The following CTNNA2 variants were observed in gnomAD, a reference collection of about 807,000 sequenced individuals.
The protein encoded by CTNNA2 is catenin alpha-2.
A neutral mutation model predicts 101.0 loss-of-function variants in CTNNA2; 42 were observed. The ratio of observed to expected loss-of-function variants is 0.42; its 90% confidence interval spans 0.32 to 0.54. The LOEUF is 0.54. CTNNA2 is among the 20% of genes least tolerant of loss of function. CTNNA2 has a pLI of 0.14. For missense variants in CTNNA2, 871 were observed against 1,223.1 expected (o/e 0.71, Z 4.29); for synonymous variants, 450 against 456.4 (o/e 0.99, Z 0.18).
chr2:79,340,353 A>G (rs1017939255), intron 3 of CTNNA2, among the ~76,000 whole-genome samples: 8 of 152,242 alleles, frequency 5.3e-5, no homozygotes, highest in Admixed American at 2.0e-4. Flanking sequence ...TTAAACGCAC[A>G]TATGTATCAC....
intron 7 of CTNNA2, among the ~76,000 whole-genome samples, chr2:80,021,709 C>G (rs915975304): frequency 6.7e-6 from 1 of 149,162 alleles, no homozygotes; most frequent in Admixed American, 6.6e-5. Flanking sequence ...GCCTCACACA[C>G]TTATCATTTT....
chr2:80,274,907 C>T (rs549038273), intron 7 of CTNNA2, among the ~76,000 whole-genome samples: 2 of 152,238 alleles, frequency 1.3e-5, no homozygotes, highest in Middle Eastern at 3.4e-3. Flanking sequence ...TGCGACTGAC[C>T]TTATCATACC....
intron 18 of CTNNA2, among the ~76,000 whole-genome samples, chr2:80,629,490 T>G (rs1260339323): frequency 6.6e-6 from 1 of 152,120 alleles, no homozygotes; most frequent in African/African-American, 2.4e-5. Flanking sequence ...ATTTTATTCC[T>G]AAATCTTTCG....
chr2:79,829,732 A>T (rs958412743), intron 3 of CTNNA2, among the ~76,000 whole-genome samples: 4 of 101,254 alleles, frequency 4.0e-5, no homozygotes, highest in African/African-American at 1.4e-4. Flanking sequence ...TTATTTATTT[A>T]TTTTTGAGAC....
At chr2:79,219,043 C>T (rs1674306424) in intron 2 of CTNNA2, among the ~76,000 whole-genome samples, 1 of 152,166 alleles carries the variant, frequency 6.6e-6, no homozygotes, top group Non-Finnish European at 1.5e-5. Context: ...AAAATTGCCA[C>T]ATTTTGAATG....
chr2:79,723,798 C>T (rs1686640073), intron 2 of CTNNA2, among the ~76,000 whole-genome samples: 1 of 152,122 alleles, frequency 6.6e-6, no homozygotes, highest in Non-Finnish European at 1.5e-5. Flanking sequence ...TCTTTTGATT[C>T]ATTTTCCCTG....
intron 9 of CTNNA2, among the ~76,000 whole-genome samples, chr2:80,442,355 C>CT (rs1682667650): frequency 6.6e-6 from 1 of 152,212 alleles, no homozygotes; most frequent in Non-Finnish European, 1.5e-5. Flanking sequence ...GCCCAGCCAT[C>CT]TGGACCTTCT....
chr2:79,886,083 T>G (rs935583537), intron 6 of CTNNA2, among the ~76,000 whole-genome samples: 3 of 152,182 alleles, frequency 2.0e-5, no homozygotes, highest in Admixed American at 6.5e-5. Flanking sequence ...GACGCTGCAA[T>G]GCATAAATGC....
intron 7 of CTNNA2, among the ~76,000 whole-genome samples, chr2:80,050,542 G>T (rs572593656): frequency 1.3e-5 from 2 of 152,280 alleles, no homozygotes; most frequent in South Asian, 2.1e-4. Flanking sequence ...GCTTCACAGT[G>T]CTGGGTGTAT....
intron 16 of CTNNA2, 79 bp from the exon 17 acceptor site, chr2:80,608,105 T>G (rs1698175536): frequency 2.1e-6 from 3 of 1,438,602 alleles, no homozygotes; most frequent in Non-Finnish European, 1.9e-6. Context: ...AAAACTTTTC[T>G]TCCTGCAGCT....
intron 4 of CTNNA2, among the ~76,000 whole-genome samples, chr2:79,406,809 T>TA (rs1678346524): frequency 6.6e-6 from 1 of 151,992 alleles, no homozygotes; most frequent in African/African-American, 2.4e-5. Flanking sequence ...AACACAGCCA[T>TA]AACTCAGTGT....
intron 7 of CTNNA2, among the ~76,000 whole-genome samples, chr2:80,010,550 T>G (rs1693705765): frequency 6.6e-6 from 1 of 152,148 alleles, no homozygotes; most frequent in African/African-American, 2.4e-5. Context: ...GTGATCCTTG[T>G]GTCTTGGCCT....
At chr2:80,490,285 C>CA (rs758200774) in intron 9 of CTNNA2, among the ~76,000 whole-genome samples, 17 of 83,198 alleles carry the variant, frequency 2.0e-4, no homozygotes, top group Admixed American at 1.3e-3. Context: ...CCCCCACCCC[C>CA]CCCCCGGTAA....
At chr2:79,857,312 A>G (rs1481823304) in intron 3 of CTNNA2, among the ~76,000 whole-genome samples, 1 of 152,180 alleles carries the variant, frequency 6.6e-6, no homozygotes, top group Non-Finnish European at 1.5e-5. Context: ...TAATTACTGT[A>G]TTCTGATTAT....
At chr2:80,374,687 G>GTT (rs1395220679) in intron 7 of CTNNA2, among the ~76,000 whole-genome samples, 6 of 132,546 alleles carry the variant, frequency 4.5e-5, no homozygotes, top group Admixed American at 7.4e-5. Context: ...GCGTGCGTGT[G>GTT]TGTGTGTGTG....
chr2:80,313,016 A>G (rs1573684723), intron 7 of CTNNA2, among the ~76,000 whole-genome samples: 1 of 152,248 alleles, frequency 6.6e-6, no homozygotes, highest in East Asian at 1.9e-4. Context: ...TGCCTAATCA[A>G]TAGCCTGTGG....
At chr2:80,040,468 T>A (rs1294008665) in intron 7 of CTNNA2, among the ~76,000 whole-genome samples, 1 of 152,224 alleles carries the variant, frequency 6.6e-6, no homozygotes, top group Admixed American at 6.5e-5. Flanking sequence ...TTTTTCTTGG[T>A]CATGCTGTCA....
intron 7 of CTNNA2, among the ~76,000 whole-genome samples, chr2:79,943,390 G>A (rs534976978): frequency 6.6e-6 from 1 of 152,272 alleles, no homozygotes; most frequent in African/African-American, 2.4e-5. Flanking sequence ...ATGAGTGTTT[G>A]TATATCATGT....
chr2:80,009,509 G>T (rs536595138), intron 7 of CTNNA2, among the ~76,000 whole-genome samples: 1 of 152,024 alleles, frequency 6.6e-6, no homozygotes, highest in Non-Finnish European at 1.5e-5. Flanking sequence ...TTTGTACTTC[G>T]CAATATTCCC....
Sources: gnomAD v4.1 joint callset for allele counts (sites outside exome capture counted in the v4.1 genomes callset) on GRCh38, gnomAD v4.1.1 for gene constraint, MANE v1.5 for transcripts, NCBI Gene and HGNC (gene_info 2026-07-23, HGNC 2026-07-21) for gene names.